Variants in PTPRN2 observed in about 807,000 individuals in gnomAD.
PTPRN2 encodes the protein receptor-type tyrosine-protein phosphatase N2.
A neutral mutation model predicts 118.8 loss-of-function variants in PTPRN2; 74 were observed. The observed-to-expected ratio is 0.62, with a 90% CI of 0.52 to 0.76. The LOEUF (loss-of-function observed/expected upper bound fraction) is 0.76. Among genes scored for constraint, PTPRN2 ranks in the 30% least tolerant of loss-of-function variants. PTPRN2 has a pLI of 0.00. For synonymous variants in PTPRN2, 641 were observed against 608.0 expected, an observed-to-expected ratio of 1.05 and a Z score of -0.80; for missense variants, 1,481 against 1,394.4, an observed-to-expected ratio of 1.06 and a Z score of -0.99.
intron 5 of PTPRN2, among the ~76,000 whole-genome samples, chr7:158,188,115 A>C (rs1825328662): frequency 6.6e-6 from 1 of 151,328 alleles, no homozygotes; most frequent in South Asian, 2.1e-4. Context: ...TCCCAACGGA[A>C]GGGATGTCCT....
At chr7:158,141,450 C>G (rs1000878566) in intron 6 of PTPRN2, among the ~76,000 whole-genome samples, 1 of 152,190 alleles carries the variant, frequency 6.6e-6, no homozygotes, top group Non-Finnish European at 1.5e-5. Context: ...TCACTGCATA[C>G]GCAGGACAGG....
chr7:158,100,410 G>A (rs1328592598), intron 10 of PTPRN2, among the ~76,000 whole-genome samples: 1 of 152,154 alleles, frequency 6.6e-6, no homozygotes, highest in Non-Finnish European at 1.5e-5. Flanking sequence ...TGTCCTCCAG[G>A]TAGATACCCA....
At chr7:157,733,623 C>T (rs1411849513) in intron 12 of PTPRN2, among the ~76,000 whole-genome samples, 2 of 2,548 alleles carry the variant, frequency 7.8e-4, no homozygotes, top group East Asian at 6.8e-3. Flanking sequence ...GTTACCCTTT[C>T]CCGTCCCATG....
intron 11 of PTPRN2, among the ~76,000 whole-genome samples, chr7:158,041,608 A>C (rs1279066764): frequency 6.6e-6 from 1 of 152,212 alleles, no homozygotes; most frequent in African/African-American, 2.4e-5. Context: ...ACTGCACTCC[A>C]GCCTCGGTGA....
chr7:158,274,372 ACACAGGGGGAGCCGCAGG>A (rs1798804141), intron 3 of PTPRN2, among the ~76,000 whole-genome samples: 153 of 118,528 alleles, frequency 1.3e-3, no homozygotes, highest in East Asian at 2.1e-3. Context: ...GGAGCCGCAG[ACACAGGGGGAGCCGCAGG>A]CACAGGGGGA....
intron 2 of PTPRN2, among the ~76,000 whole-genome samples, chr7:158,346,027 G>A (rs902620554): frequency 3.3e-5 from 5 of 152,242 alleles, no homozygotes; most frequent in Admixed American, 1.3e-4. Flanking sequence ...AAGGTGAGAT[G>A]TGGGTGGGGA....
In PTPRN2 at chr7:158,091,648, T is replaced by C. The variant is rs182062577; in HGVS notation, c.1644-10271A>G. On this transcript the variant is annotated intron_variant, in intron 10 of 22. Transcript: ENST00000389418. ...AGTGGGTGGGTGGGTGAGAGATAGG[T>C]GATGGATGGGTAGAGAGATGGTTGG... Among the ~76,000 whole-genome samples the C allele has an allele frequency of 5.1e-3, 639 of 124,268 alleles. 2 individuals carry two copies. Among genetic ancestry groups the C allele is most frequent in the Non-Finnish European group, 8.6e-3 (501 of 58,248 alleles). The allele number at this position is 124,268 out of a possible 152,430, so 81.5% of individuals were successfully genotyped here.
In PTPRN2 at chr7:158,015,224, A is replaced by G. The variant is rs990102730; in HGVS notation, c.1723+66074T>C. Among the ~76,000 whole-genome samples the G allele has an allele frequency of 1.3e-5, 2 of 152,070 alleles. No individual in the cohort carries two copies. Among genetic ancestry groups the G allele is most frequent in the Non-Finnish European group, 2.9e-5 (2 of 68,008 alleles). On this transcript the variant is annotated intron_variant, in intron 11 of 22. Coordinates refer to ENST00000389418, the MANE Select transcript of PTPRN2 (RefSeq NM_002847.5). This position sits in a 1 kb window ranked among gnomAD's most constrained non-coding sequence, Gnocchi z 4.2. ...CCAGTCTGTGCCTCATTTCTACTCC[A>G]CGTTGAATCTTTGAATCTAGTGATT...
intron 10 of PTPRN2, among the ~76,000 whole-genome samples, chr7:158,085,803 CATG>C (rs1813344976): frequency 7.9e-6 from 1 of 127,178 alleles, no homozygotes; most frequent in African/African-American, 2.9e-5. Flanking sequence ...CCCATCCACA[CATG>C]CCCATCCACA....
intron 5 of PTPRN2, among the ~76,000 whole-genome samples, chr7:158,184,143 A>C (rs1466039424): frequency 6.6e-6 from 1 of 152,150 alleles, no homozygotes; most frequent in African/African-American, 2.4e-5. Flanking sequence ...AATTTTGACA[A>C]AGTTCTAGTT....
rs1805335085 is a variant in PTPRN2, at chr7:157,801,972, C to A, written c.1788+96701G>T. 6.6e-6 allele frequency among the ~76,000 whole-genome samples: 1 copy of A among 152,192 alleles called. No homozygotes were observed. The highest frequency in any genetic ancestry group is 1.5e-5 in the Non-Finnish European group (1 of 68,034). On this transcript the variant is annotated intron_variant, in intron 12 of 22. Transcript: ENST00000389418. The surrounding 1 kb of genome is among the most constrained non-coding windows in gnomAD (Gnocchi z 4.2). ...CGCACGCTCTGGGGCGGCTCCTGAC[C>A]TTTTCTGGCTTGTGGCACCTGGCTG... is the stretch of plus-strand genomic sequence containing the variant.
At position 157,881,739 on chromosome 7, in the gene PTPRN2, T is replaced by G. The variant is rs1796142781; in HGVS notation, c.1788+16934A>C. Among the ~76,000 whole-genome samples the G allele has an allele frequency of 7.0e-6, 1 of 141,906 alleles. No homozygotes were observed. The highest frequency in any genetic ancestry group is 1.5e-5 in the Non-Finnish European group (1 of 65,722). 93.1% of individuals were successfully genotyped at this position (141,906 alleles called of 152,430 possible). The stretch of plus-strand genomic sequence containing the variant: ...AGAATGTTCTTTTTGCTTTATGATC[T>G]CATTAAAAAAAAAAAAATAGATTGG... On this transcript the variant is annotated intron_variant, in intron 12 of 22. Transcript: ENST00000389418. This position sits in a 1 kb window ranked among gnomAD's most constrained non-coding sequence, Gnocchi z 4.7.
intron 11 of PTPRN2, among the ~76,000 whole-genome samples, chr7:158,061,936 T>G (rs540395704): frequency 6.6e-6 from 1 of 152,356 alleles, no homozygotes; most frequent in Admixed American, 6.5e-5. Context: ...AGTATGACAG[T>G]TTTTCCCCAA....
chr7:158,162,911 G>A (rs541470856), intron 6 of PTPRN2, among the ~76,000 whole-genome samples: 20 of 152,262 alleles, frequency 1.3e-4, no homozygotes, highest in African/African-American at 3.6e-4. Context: ...TGTTGGACCC[G>A]ACCGTGCGAC....
chr7:158,054,805 G>A (rs1054306705), intron 11 of PTPRN2, among the ~76,000 whole-genome samples: 7 of 152,228 alleles, frequency 4.6e-5, no homozygotes, highest in African/African-American at 7.2e-5. Context: ...CTGGGGGCGC[G>A]GGCACCATTA....
intron 11 of PTPRN2, chr7:158,030,217 TC>T (rs1807583567): frequency 6.6e-6 from 1 of 152,108 alleles, no homozygotes; most frequent in Non-Finnish European, 1.5e-5. Context: ...TGGAGCCAGG[TC>T]CCTCTTAAAG....
At chr7:157,744,277 C>T (rs1800796047) in intron 12 of PTPRN2, among the ~76,000 whole-genome samples, 1 of 152,118 alleles carries the variant, frequency 6.6e-6, no homozygotes, top group South Asian at 2.1e-4. Context: ...ACGGGGTGAA[C>T]ACAGCAGCTC....
At chr7:158,499,583 G>A (rs1377752313) in intron 1 of PTPRN2, among the ~76,000 whole-genome samples, 1 of 152,118 alleles carries the variant, frequency 6.6e-6, no homozygotes, top group African/African-American at 2.4e-5. Context: ...AGACCAGCTT[G>A]GCCAACATGG....
chr7:157,846,556 T>C (rs1808817394), intron 12 of PTPRN2, among the ~76,000 whole-genome samples: 1 of 152,100 alleles, frequency 6.6e-6, no homozygotes, highest in Admixed American at 6.6e-5. Context: ...CTGCCCTGAG[T>C]GCGCTGCCCC....
Sources: allele counts gnomAD v4.1 joint callset (sites outside exome capture counted in the v4.1 genomes callset), GRCh38; gene constraint gnomAD v4.1.1; non-coding constraint Gnocchi (gnomAD v3.1); transcripts MANE v1.5; gene names NCBI Gene and HGNC (gene_info 2026-07-23, HGNC 2026-07-21).